ADCY3: variants seen among roughly 807,000 people sequenced by gnomAD.
ADCY3 encodes adenylate cyclase type 3.
ADCY3 carries 70 observed loss-of-function variants against 119.4 expected under a neutral mutation model. The observed-to-expected ratio is 0.59, with a 90% CI of 0.48 to 0.72. ADCY3 has a LOEUF of 0.72. Ranked by LOEUF, ADCY3 falls within the 30% of genes least tolerant of loss-of-function variation. ADCY3 has a pLI of 0.00. For missense variants in ADCY3, 1,238 were observed against 1,541.6 expected, an observed-to-expected ratio of 0.80 and a Z score of 3.30; for synonymous variants, 672 against 621.4, an observed-to-expected ratio of 1.08 and a Z score of -1.21.
intron 9 of ADCY3, 79 bp from the exon 10 acceptor site, chr2:24,835,015 G>A (rs1461018066): frequency 7.8e-6 from 12 of 1,529,502 alleles, no homozygotes; most frequent in Non-Finnish European, 1.1e-5. Context: ...AGAGGTGGAG[G>A]AGGAAAGGAA....
rs1668871396 is a variant in ADCY3 at position 24,828,041 on chromosome 2, T to C, written c.2293A>G (p.Thr765Ala). 1 of 1,614,240 alleles carries C rather than the reference T, an allele frequency of 6.2e-7. No individual in the cohort carries two copies. Among genetic ancestry groups the C allele is most frequent in the Non-Finnish European group, 8.5e-7 (1 of 1,180,050 alleles). The change falls in exon 14 of 22, where the codon ACC (threonine) becomes GCC (alanine). Residue 765 changes from threonine (T) to alanine (A), a missense_variant. Transcript: ENST00000679454. Reference protein sequence around the residue: ...NYVAVLSLIATIMLVQVSHMV... With the variant: ...NYVAVLSLIAAIMLVQVSHMV... ...TGGCTGACCTGCACCAGCATGATGG[T>C]GGCGATGAGGGACAGCACGGCCACA...
At chr2:24,861,635 GC>G (rs1323726962) in intron 3 of ADCY3, among the ~76,000 whole-genome samples, 1 of 152,200 alleles carries the variant, frequency 6.6e-6, no homozygotes, top group Non-Finnish European at 1.5e-5. Flanking sequence ...TCTAGTACCG[GC>G]CTGCACTCAG....
chr2:24,870,336 A>G (rs1674833628), intron 3 of ADCY3, among the ~76,000 whole-genome samples: 1 of 151,678 alleles, frequency 6.6e-6, no homozygotes, highest in East Asian at 1.9e-4. Context: ...AAAAAAAAAA[A>G]AAAAGAAAGA....
At chr2:24,860,904 C>T (rs553314782) in intron 3 of ADCY3, among the ~76,000 whole-genome samples, 1 of 152,340 alleles carries the variant, frequency 6.6e-6, no homozygotes, top group African/African-American at 2.4e-5. Context: ...CCTGCTGGGA[C>T]AGCCACATGG....
rs753960446 is a variant in ADCY3 at position 24,839,994 on chromosome 2, G to A, written c.1234C>T (p.Arg412Cys). ...REKTKTGVDM[R>C]VGVHTGTVLG... is the part of the protein sequence containing the mutation. ...ACGGTGCCCGTGTGCACCCCCACACGCATGTCCACCCCAGTCTTGGTCTTC... is the reference window on the plus strand; with the variant it reads ...ACGGTGCCCGTGTGCACCCCCACACACATGTCCACCCCAGTCTTGGTCTTC... The change falls in exon 7 of 22, where the codon CGT (arginine) becomes TGT (cysteine). Residue 412 changes from arginine (R) to cysteine (C), a missense_variant. By Grantham distance (180) the Arg-to-Cys change is radical. Transcript: ENST00000679454. The A allele has an allele frequency of 2.5e-6, 4 of 1,613,424 alleles. No homozygotes were observed. The highest frequency in any genetic ancestry group is 3.4e-6 in the Non-Finnish European group (4 of 1,179,804).
At chr2:24,826,938 C>T (rs1478014420) in intron 15 of ADCY3, among the ~76,000 whole-genome samples, 4 of 152,148 alleles carry the variant, frequency 2.6e-5, no homozygotes, top group Admixed American at 6.5e-5. Flanking sequence ...GTTATCTGGA[C>T]CGGTACGTGT....
At chr2:24,822,132 T>A (rs1667825392) in intron 19 of ADCY3, 1 of 195,192 alleles carries the variant, frequency 5.1e-6, no homozygotes, top group Non-Finnish European at 1.1e-5. Context: ...TCCTGGTAGC[T>A]GAACAAAGGT....
At chr2:24,915,121 T>C (rs1348025930) in intron 2 of ADCY3, among the ~76,000 whole-genome samples, 1 of 152,206 alleles carries the variant, frequency 6.6e-6, no homozygotes, top group Non-Finnish European at 1.5e-5. Flanking sequence ...CTGGCAATGC[T>C]TCTTCATGCT....
chr2:24,883,108 G>C (rs1431359084), intron 2 of ADCY3, among the ~76,000 whole-genome samples: 3 of 151,994 alleles, frequency 2.0e-5, no homozygotes, highest in Admixed American at 2.0e-4. Context: ...CCAACACTTT[G>C]GGAGGCAGAG....
At chr2:24,874,529 C>T (rs951785046) in intron 2 of ADCY3, among the ~76,000 whole-genome samples, 4 of 152,224 alleles carry the variant, frequency 2.6e-5, no homozygotes, top group African/African-American at 9.6e-5. Flanking sequence ...CTGGAGCCAG[C>T]CTAACTCTCT....
chr2:24,904,044 C>T (rs1679195306), intron 2 of ADCY3, among the ~76,000 whole-genome samples: 1 of 152,166 alleles, frequency 6.6e-6, no homozygotes, highest in Non-Finnish European at 1.5e-5. Context: ...ACAACCAACT[C>T]TTCACGCATT....
At position 24,842,010 on chromosome 2, in the gene ADCY3, G is replaced by C. The variant is rs1671068764; in HGVS notation, c.956+244C>G. The stretch of plus-strand genomic sequence containing the variant: ...CCCTCAACAGCTGGGTGACCTCACA[G>C]GAGTCCCTTCCCCGCTCCAGGTGAT... On this transcript the variant is annotated intron_variant, in intron 4 of 21. Transcript: ENST00000679454. This position sits in a 1 kb window ranked among gnomAD's most constrained non-coding sequence, Gnocchi z 4.9. 6.6e-6 allele frequency among the ~76,000 whole-genome samples: 1 copy of C among 152,198 alleles called. No individual in the cohort carries two copies. The highest frequency in any genetic ancestry group is 6.5e-5 in the Admixed American group (1 of 15,278).
Position 24,919,123 on chromosome 2 carries a change from G to A in ADCY3, c.-136C>T. On this transcript the variant is annotated 5_prime_UTR_variant, in exon 2 of 22. Transcript: ENST00000679454. This position sits in a 1 kb window ranked among gnomAD's most constrained non-coding sequence, Gnocchi z 5.5. Reference sequence around the variant, plus strand: ...TCTTCTTGTCTGGGGCGGAGGGGAGGCCACCTCCAGCAGGAACGCAGAGCG... The same window carrying A: ...TCTTCTTGTCTGGGGCGGAGGGGAGACCACCTCCAGCAGGAACGCAGAGCG... 1.2e-6 allele frequency: 1 copy of A among 860,418 alleles called. No homozygotes were observed. The highest frequency in any genetic ancestry group is 1.7e-6 in the Non-Finnish European group (1 of 573,976). 53.3% of individuals were successfully genotyped at this position (860,418 alleles called of 1,614,324 possible). A position where few individuals can be genotyped will look rare whatever the true frequency, so the allele number is the denominator to read the frequency against.
intron 3 of ADCY3, among the ~76,000 whole-genome samples, chr2:24,861,563 A>G (rs987230741): frequency 2.0e-5 from 3 of 152,168 alleles, no homozygotes; most frequent in South Asian, 2.1e-4. Flanking sequence ...TCCATCTATT[A>G]TCTCATTTTT....
rs1391787977 is a variant in ADCY3, at chr2:24,899,444, C to A, written c.675+18869G>T. On this transcript the variant is annotated intron_variant, in intron 2 of 21. Transcript: ENST00000679454. The surrounding 1 kb of genome is among the most constrained non-coding windows in gnomAD (Gnocchi z 4.5). The stretch of plus-strand genomic sequence containing the variant: ...TCACCCCAGCCACCTCTGCCACCAG[C>A]CTGCCAGGCAAAACTGTCCCTGGAT... 6.6e-6 allele frequency among the ~76,000 whole-genome samples: 1 copy of A among 152,254 alleles called. No homozygotes were observed. The highest frequency in any genetic ancestry group is 1.5e-5 in the Non-Finnish European group (1 of 68,050).
At chr2:24,911,217 C>CTTTT (rs61442701) in intron 2 of ADCY3, among the ~76,000 whole-genome samples, 35 of 93,472 alleles carry the variant, frequency 3.7e-4, no homozygotes, top group African/African-American at 1.4e-3. Context: ...TATAAGGGTT[C>CTTTT]TTTTTTTTTT....
At chr2:24,890,326 A>G (rs767124897) in intron 2 of ADCY3, among the ~76,000 whole-genome samples, 18 of 152,190 alleles carry the variant, frequency 1.2e-4, no homozygotes, top group Non-Finnish European at 2.4e-4. Flanking sequence ...TCAGGGCAAT[A>G]TTGAATTCAT....
Position 24,842,873 on chromosome 2 carries a change from CAG to C in ADCY3, c.826-491_826-490del, listed in dbSNP as rs984617714. On this transcript the variant is annotated intron_variant, in intron 3 of 21. Coordinates refer to ENST00000679454, the MANE Select transcript of ADCY3 (RefSeq NM_004036.5). The surrounding 1 kb of genome is among the most constrained non-coding windows in gnomAD (Gnocchi z 4.9). ...ACAAAACCAGCAAGAACGTCCACCT[CAG>C]AGAGCGGAGGGTCTCACGGGGACAC... 4.6e-5 allele frequency among the ~76,000 whole-genome samples: 7 copies of C among 152,244 alleles called. No individual in the cohort carries two copies. Among genetic ancestry groups the C allele is most frequent in the African/African-American group, 1.4e-4 (6 of 41,466 alleles).
At chr2:24,904,284 C>G (rs2149010651) in intron 2 of ADCY3, among the ~76,000 whole-genome samples, 1 of 152,238 alleles carries the variant, frequency 6.6e-6, no homozygotes, top group South Asian at 2.1e-4. Context: ...AATCCCAACA[C>G]TTTGGAAGGC....
Sources: allele counts gnomAD v4.1 joint callset (sites outside exome capture counted in the v4.1 genomes callset), GRCh38; gene constraint gnomAD v4.1.1; non-coding constraint Gnocchi (gnomAD v3.1); transcripts MANE v1.5; gene names NCBI Gene and HGNC (gene_info 2026-07-23, HGNC 2026-07-21).